The following SLAMF6 variants were observed in gnomAD, a reference collection of about 807,000 sequenced individuals.
SLAMF6 encodes NK-T-B-antigen.
In SLAMF6, 21 loss-of-function variants were observed where a neutral mutation model predicts 38.3. The ratio of observed to expected loss-of-function variants is 0.55; its 90% CI spans 0.39 to 0.79. The LOEUF (loss-of-function observed/expected upper bound fraction) is 0.79, where lower values mean the gene tolerates loss of function less well. SLAMF6 is among the 30% of genes least tolerant of loss of function. SLAMF6 has a pLI of 0.00. For missense variants in SLAMF6, 341 were observed against 385.3 expected, an observed-to-expected ratio of 0.89 and a Z score of 0.96; for synonymous variants, 152 against 146.3, an observed-to-expected ratio of 1.04 and a Z score of -0.28.
chr1:160,498,722 G>T (rs1653725737), intron 1 of SLAMF6, among the ~76,000 whole-genome samples: 1 of 151,922 alleles, frequency 6.6e-6, no homozygotes, highest in African/African-American at 2.4e-5. Context: ...AGCATCTATT[G>T]TGTTCTTTTT....
intron 2 of SLAMF6, among the ~76,000 whole-genome samples, chr1:160,491,683 T>TG (rs1463244725): frequency 6.6e-6 from 1 of 152,192 alleles, no homozygotes; most frequent in African/African-American, 2.4e-5. Flanking sequence ...TTTATATTTC[T>TG]GGTCTCCAGT....
At chr1:160,502,852 G>A (rs1431693105) in intron 1 of SLAMF6, among the ~76,000 whole-genome samples, 4 of 152,138 alleles carry the variant, frequency 2.6e-5, no homozygotes, top group Non-Finnish European at 4.4e-5. Flanking sequence ...TTTCTCAAGA[G>A]AATTTAAAGA....
At chr1:160,507,586 A>G (rs962252640) in intron 1 of SLAMF6, among the ~76,000 whole-genome samples, 6 of 152,130 alleles carry the variant, frequency 3.9e-5, no homozygotes, top group Non-Finnish European at 5.9e-5. Context: ...AACAAAATAT[A>G]CATTTTCCTC....
intron 1 of SLAMF6, among the ~76,000 whole-genome samples, chr1:160,517,302 A>T (rs1654790230): frequency 6.6e-6 from 1 of 152,244 alleles, no homozygotes; most frequent in Non-Finnish European, 1.5e-5. Flanking sequence ...ATTGAAAACC[A>T]CAATAAATTA....
chr1:160,516,083 A>C (rs1654729206), intron 1 of SLAMF6, among the ~76,000 whole-genome samples: 1 of 152,214 alleles, frequency 6.6e-6, no homozygotes, highest in African/African-American at 2.4e-5. Flanking sequence ...TGCAGATGAC[A>C]CGATCCTATA....
At chr1:160,511,833 T>A (rs577027671) in intron 1 of SLAMF6, among the ~76,000 whole-genome samples, 1 of 152,036 alleles carries the variant, frequency 6.6e-6, no homozygotes, top group Non-Finnish European at 1.5e-5. Context: ...TGGGACTGAC[T>A]AGGTGGTTGG....
At chr1:160,501,223 G>C (rs1653872571) in intron 1 of SLAMF6, among the ~76,000 whole-genome samples, 3 of 152,152 alleles carry the variant, frequency 2.0e-5, no homozygotes, top group Admixed American at 2.0e-4. Context: ...TTCTAGACTG[G>C]AAACTGGGAA....
intron 2 of SLAMF6, among the ~76,000 whole-genome samples, chr1:160,492,265 A>G (rs1171163238): frequency 6.6e-6 from 1 of 152,222 alleles, no homozygotes; most frequent in Non-Finnish European, 1.5e-5. Flanking sequence ...TTCTCTGATT[A>G]GAAGAGACCG....
chr1:160,506,041 A>G (rs1436520529), intron 1 of SLAMF6, among the ~76,000 whole-genome samples: 4 of 152,122 alleles, frequency 2.6e-5, no homozygotes, highest in Admixed American at 2.6e-4. Flanking sequence ...AATACCAAAA[A>G]ATAAGCATAA....
intron 1 of SLAMF6, among the ~76,000 whole-genome samples, chr1:160,510,471 C>G (rs927867241): frequency 4.0e-5 from 6 of 151,894 alleles, no homozygotes; most frequent in African/African-American, 1.5e-4. Context: ...ATGATATTAA[C>G]AGAATGAAGA....
chr1:160,509,992 A>G (rs78806364), intron 1 of SLAMF6, among the ~76,000 whole-genome samples: 5,224 of 152,176 alleles, frequency 0.034, 344 homozygotes, highest in African/African-American at 0.12. Context: ...ATGCCAACAA[A>G]TTGAATAACC....
intron 1 of SLAMF6, among the ~76,000 whole-genome samples, chr1:160,508,238 T>A (rs1654290216): frequency 1.3e-5 from 2 of 152,000 alleles, no homozygotes; most frequent in Non-Finnish European, 1.5e-5. Flanking sequence ...TAGAGGCATC[T>A]CACTACCTGA....
At chr1:160,501,478 C>T (rs1303373901) in intron 1 of SLAMF6, among the ~76,000 whole-genome samples, 1 of 152,084 alleles carries the variant, frequency 6.6e-6, no homozygotes, top group African/African-American at 2.4e-5. Context: ...ATTATTATTT[C>T]TATATTCCTA....
At chr1:160,512,003 G>A (rs1654497240) in intron 1 of SLAMF6, among the ~76,000 whole-genome samples, 1 of 152,172 alleles carries the variant, frequency 6.6e-6, no homozygotes, top group African/African-American at 2.4e-5. Context: ...GCAACCCATG[G>A]ACCAGGAGAT....
intron 1 of SLAMF6, among the ~76,000 whole-genome samples, chr1:160,522,431 C>T (rs1004784394): frequency 6.6e-6 from 1 of 152,112 alleles, no homozygotes; most frequent in Non-Finnish European, 1.5e-5. Flanking sequence ...ACTATCTCTG[C>T]CTGAATGCTA....
chr1:160,509,421 A>G (rs1206887348), intron 1 of SLAMF6, among the ~76,000 whole-genome samples: 3 of 151,810 alleles, frequency 2.0e-5, no homozygotes, highest in East Asian at 1.9e-4. Flanking sequence ...ACCAAACACC[A>G]CATGTTCTCA....
In SLAMF6 at chr1:160,486,744, G is replaced by A. The variant is rs375108441; in HGVS notation, c.962C>T (p.Thr321Ile). Reference sequence around the variant, plus strand: ...GTCAAGGGCAGTTGCCCTGGAAAAAGTGGGTTTACTCTGTGGGAAAAAGAG... The same window carrying A: ...GTCAAGGGCAGTTGCCCTGGAAAAAATGGGTTTACTCTGTGGGAAAAAGAG... ...TINHSKESKP[T>I]FSRATALDNV... Residue 321 changes from threonine (T) to isoleucine (I), a missense_variant, in exon 8 of 8, where the codon ACT (threonine) becomes ATT (isoleucine). Physicochemically the swap from Thr to Ile is moderately conservative, Grantham distance 89 (BLOSUM62 -1). Transcript: ENST00000368057. 2.0e-5 allele frequency: 32 copies of A among 1,613,728 alleles called. No homozygotes were observed. Among genetic ancestry groups the A allele is most frequent in the Non-Finnish European group, 2.5e-5 (30 of 1,179,844 alleles).
chr1:160,498,198 A>T (rs1280169908), intron 1 of SLAMF6, among the ~76,000 whole-genome samples: 36 of 152,082 alleles, frequency 2.4e-4, no homozygotes, highest in African/African-American at 8.7e-4. Flanking sequence ...GAAAGAATGA[A>T]GGGTCCAGTT....
At chr1:160,490,368 C>T in intron 4 of SLAMF6, 132 bp from the exon 5 acceptor site, 6 of 1,427,792 alleles carry the variant, frequency 4.2e-6, no homozygotes, top group Non-Finnish European at 5.8e-6. Context: ...AGACAGGGTC[C>T]CACTTTTCCC....
Sources: allele counts gnomAD v4.1 joint callset (sites outside exome capture counted in the v4.1 genomes callset), GRCh38; gene constraint gnomAD v4.1.1; transcripts MANE v1.5; gene names NCBI Gene and HGNC (gene_info 2026-07-23, HGNC 2026-07-21).